The following ANGPTL2 variants were observed in gnomAD, a reference collection of about 807,000 sequenced individuals.
ANGPTL2 encodes the protein angiopoietin-related protein 2.
Under a neutral mutation model 52.8 loss-of-function variants are expected in ANGPTL2, and 25 were observed. The observed-to-expected ratio is 0.47, with a 90% CI of 0.35 to 0.66. The LOEUF is 0.66. Ranked by LOEUF, ANGPTL2 falls within the 30% of genes least tolerant of loss-of-function variation. The probability of loss-of-function intolerance (pLI) is 0.01; values close to 1 mark genes in which losing one functional copy is unlikely to be tolerated. For missense variants in ANGPTL2, 546 were observed against 656.9 expected, an observed-to-expected ratio of 0.83 and a Z score of 1.84; for synonymous variants, 276 against 277.4, an observed-to-expected ratio of 1.00 and a Z score of 0.05.
chr9:127,111,896 G>A (rs2054852229), intron 1 of ANGPTL2, among the ~76,000 whole-genome samples: 3 of 152,220 alleles, frequency 2.0e-5, no homozygotes, highest in African/African-American at 7.2e-5. Context: ...GTTTTTACTA[G>A]TAAAAGGGTA....
intron 1 of ANGPTL2, among the ~76,000 whole-genome samples, chr9:127,115,138 A>G (rs1224486288): frequency 6.6e-6 from 1 of 152,226 alleles, no homozygotes; most frequent in East Asian, 1.9e-4. Context: ...GTAGGGGACC[A>G]TACATCCTGG....
chr9:127,117,881 G>C (rs1034154426), intron 1 of ANGPTL2, among the ~76,000 whole-genome samples: 1 of 152,194 alleles, frequency 6.6e-6, no homozygotes, highest in East Asian at 1.9e-4. Context: ...TTGAAGATAA[G>C]AACAGAGTCC....
At chr9:127,106,779 G>A (rs576242664) in intron 2 of ANGPTL2, 1 of 152,348 alleles carries the variant, frequency 6.6e-6, no homozygotes, top group Non-Finnish European at 1.5e-5. Flanking sequence ...CTGCACTCAG[G>A]TTCAGCCCCT....
intron 2 of ANGPTL2, among the ~76,000 whole-genome samples, chr9:127,097,230 C>T (rs1018834100): frequency 8.6e-5 from 13 of 152,018 alleles, no homozygotes; most frequent in Admixed American, 1.3e-4. Flanking sequence ...CATTTTTCAA[C>T]GATTGTAGTG....
At chr9:127,101,285 G>C (rs905264795) in intron 2 of ANGPTL2, among the ~76,000 whole-genome samples, 3 of 152,238 alleles carry the variant, frequency 2.0e-5, no homozygotes, top group African/African-American at 7.2e-5. Flanking sequence ...CAGGGCTCAA[G>C]AGGATCACAT....
In ANGPTL2 at chr9:127,091,522, T is replaced by G; in HGVS notation, c.1282+148A>C. ...GACCTGTGGGCAGGAGAAGGGACCC[T>G]CAGGGGGTGGTAACAGGGTCAGGCA... is the stretch of plus-strand genomic sequence containing the variant. On this transcript the variant is annotated intron_variant, in intron 4 of 4. Coordinates refer to ENST00000373425, the MANE Select transcript of ANGPTL2 (RefSeq NM_012098.3). This position sits in a 1 kb window ranked among gnomAD's most constrained non-coding sequence, Gnocchi z 4.3. 1 of 1,108,572 alleles carries G rather than the reference T, an allele frequency of 9.0e-7. No homozygotes were observed. The highest frequency in any genetic ancestry group is 1.3e-6 in the Non-Finnish European group (1 of 776,726). The allele number at this position is 1,108,572 out of a possible 1,614,324, so 68.7% of individuals were successfully genotyped here. A position where few individuals can be genotyped will look rare whatever the true frequency, so the allele number is the denominator to read the frequency against.
chr9:127,097,738 G>T (rs1040213779), intron 2 of ANGPTL2, among the ~76,000 whole-genome samples: 1 of 152,300 alleles, frequency 6.6e-6, no homozygotes, highest in East Asian at 1.9e-4. Context: ...TAATGCCCTC[G>T]TAGGGGGCCA....
Position 127,121,237 on chromosome 9 carries a change from G to T in ANGPTL2, c.-50+1078C>A, listed in dbSNP as rs1243271106. ...TACTCTCTGGCCATTGTTACCACCT[G>T]GGCAGTATTATCCCATTTCACAGAT... On this transcript the variant is annotated intron_variant, in intron 1 of 4. Transcript: ENST00000373425. 5.3e-5 allele frequency among the ~76,000 whole-genome samples: 8 copies of T among 152,322 alleles called. No individual in the cohort carries two copies. The South Asian group carries it at 1.2e-3, about 24-fold the overall frequency.
At chr9:127,097,690 A>T (rs2053286637) in intron 2 of ANGPTL2, among the ~76,000 whole-genome samples, 2 of 152,242 alleles carry the variant, frequency 1.3e-5, no homozygotes, top group African/African-American at 2.4e-5. Flanking sequence ...GTAACATATA[A>T]ATAATACTGT....
At position 127,093,793 on chromosome 9, in the gene ANGPTL2, G is replaced by T. The variant is rs377495452; in HGVS notation, c.951C>A (p.Thr317=). ...CDQRHDPGGW[T]VIQRRLDGSV... ...AGCCATCCAGGCGTCTCTGGATGACGGTCCAGCCCCCGGGGTCGTGTCTCT... is the reference window on the plus strand; with the variant it reads ...AGCCATCCAGGCGTCTCTGGATGACTGTCCAGCCCCCGGGGTCGTGTCTCT... The change falls in exon 3 of 5, where the codon ACC becomes ACA. Residue 317 remains threonine, a synonymous_variant. Transcript: ENST00000373425. 3.1e-6 allele frequency: 5 copies of T among 1,613,896 alleles called. No individual in the cohort carries two copies. The South Asian group carries it at 3.3e-5, about 11-fold the overall frequency.
intron 2 of ANGPTL2, among the ~76,000 whole-genome samples, chr9:127,095,242 C>CA (rs1379915344): frequency 6.6e-6 from 1 of 151,988 alleles, no homozygotes; most frequent in Non-Finnish European, 1.5e-5. Flanking sequence ...ACTAAAAATA[C>CA]AAAAAATTAG....
chr9:127,100,176 C>G (rs908039180), intron 2 of ANGPTL2, among the ~76,000 whole-genome samples: 1 of 152,082 alleles, frequency 6.6e-6, no homozygotes, highest in African/African-American at 2.4e-5. Flanking sequence ...TGAGATCCAA[C>G]CATAAATTAA....
chr9:127,118,118 G>C (rs888206905), intron 1 of ANGPTL2, among the ~76,000 whole-genome samples: 3 of 152,110 alleles, frequency 2.0e-5, no homozygotes, highest in Non-Finnish European at 4.4e-5. Flanking sequence ...GCAGTGGCGC[G>C]ATCTCAGCTC....
chr9:127,097,724 T>G (rs2053290833), intron 2 of ANGPTL2, among the ~76,000 whole-genome samples: 1 of 152,318 alleles, frequency 6.6e-6, no homozygotes, highest in East Asian at 1.9e-4. Context: ...CTGTTCCATA[T>G]AAATAATGCC....
At chr9:127,114,581 A>G (rs2055199676) in intron 1 of ANGPTL2, among the ~76,000 whole-genome samples, 1 of 152,220 alleles carries the variant, frequency 6.6e-6, no homozygotes. Flanking sequence ...TTGATTCATC[A>G]TCAGTCCAGG....
At chr9:127,115,330 C>T (rs1189244480) in intron 1 of ANGPTL2, among the ~76,000 whole-genome samples, 1 of 152,172 alleles carries the variant, frequency 6.6e-6, no homozygotes, top group African/African-American at 2.4e-5. Context: ...GCTAGGATTA[C>T]AGGTGCCTGT....
chr9:127,110,715 G>A (rs535098985), intron 1 of ANGPTL2, among the ~76,000 whole-genome samples: 10 of 152,212 alleles, frequency 6.6e-5, no homozygotes, highest in Admixed American at 4.6e-4. Context: ...TGCTCAGGCC[G>A]AAAGTCTTGA....
chr9:127,088,845 A>G lies in ANGPTL2; in HGVS notation c.*94T>C, dbSNP rs537899527. 42 of 1,432,532 alleles carry G rather than the reference A, an allele frequency of 2.9e-5. No homozygotes were observed. The East Asian group carries it at 8.7e-4, about 30-fold the overall frequency. The allele number at this position is 1,432,532 out of a possible 1,614,324, so 88.7% of individuals were successfully genotyped here. A position where few individuals can be genotyped will look rare whatever the true frequency, so the allele number is the denominator to read the frequency against. ...GCATCCCGGTCCTCCCAGCCTCAGG[A>G]TGAACTGGTGAGGAGTTGTTCTTTG... On this transcript the variant is annotated 3_prime_UTR_variant, in exon 5 of 5. Transcript: ENST00000373425.
chr9:127,118,592 A>G (rs2055701554), intron 1 of ANGPTL2, among the ~76,000 whole-genome samples: 1 of 152,026 alleles, frequency 6.6e-6, no homozygotes, highest in African/African-American at 2.4e-5. Flanking sequence ...CTGCACCCTG[A>G]CCCCCAGTTT....
Sources: allele counts gnomAD v4.1 joint callset (sites outside exome capture counted in the v4.1 genomes callset), GRCh38; gene constraint gnomAD v4.1.1; non-coding constraint Gnocchi (gnomAD v3.1); transcripts MANE v1.5; gene names NCBI Gene and HGNC (gene_info 2026-07-23, HGNC 2026-07-21).